Variants in SLIT1 observed in about 807,000 individuals in gnomAD.
SLIT1 encodes the protein slit guidance ligand 1, also known as slit homolog 1 protein.
SLIT1 carries 66 observed loss-of-function variants against 186.1 expected under a neutral mutation model. The ratio of observed to expected loss-of-function variants is 0.35; its 90% confidence interval spans 0.29 to 0.44. SLIT1 has a LOEUF of 0.44. SLIT1 is among the 20% of genes least tolerant of loss of function. The pLI, the probability that SLIT1 is intolerant of heterozygous loss-of-function variation, is 1.00. For synonymous variants in SLIT1, 761 were observed against 833.8 expected, an observed-to-expected ratio of 0.91 and a Z score of 1.50; for missense variants, 1,638 against 2,037.4, an observed-to-expected ratio of 0.80 and a Z score of 3.77.
chr10:97,098,749 C>T (rs1162243021), intron 4 of SLIT1, among the ~76,000 whole-genome samples: 1 of 152,156 alleles, frequency 6.6e-6, no homozygotes, highest in African/African-American at 2.4e-5. Context: ...AGGGGAAGGG[C>T]AGAGGAGAGT....
chr10:97,053,409 T>C (rs1340106152), intron 13 of SLIT1, among the ~76,000 whole-genome samples: 2 of 152,056 alleles, frequency 1.3e-5, no homozygotes, highest in South Asian at 2.1e-4. Flanking sequence ...TTGGGAGGAG[T>C]TGGGCTGCAG....
At chr10:97,025,313 GACA>G (rs1478539315) in intron 25 of SLIT1, among the ~76,000 whole-genome samples, 1 of 151,910 alleles carries the variant, frequency 6.6e-6, no homozygotes, top group African/African-American at 2.4e-5. Context: ...AACAAAAAAC[GACA>G]ACAACAAAAA....
intron 1 of SLIT1, among the ~76,000 whole-genome samples, chr10:97,171,313 C>T (rs1850185522): frequency 6.6e-6 from 1 of 152,140 alleles, no homozygotes; most frequent in African/African-American, 2.4e-5. Flanking sequence ...TTGCCCCATC[C>T]CACCTGCCAG....
intron 1 of SLIT1, among the ~76,000 whole-genome samples, chr10:97,179,739 C>T (rs900934102): frequency 2.0e-5 from 3 of 151,962 alleles, no homozygotes; most frequent in Non-Finnish European, 4.4e-5. Context: ...AGGCTGGGTT[C>T]CAGAAAGGAG....
chr10:97,074,367 C>A lies in SLIT1; in HGVS notation c.414-8281G>T, dbSNP rs58423228. Among the ~76,000 whole-genome samples the A allele has an allele frequency of 2.0e-4, 30 of 152,338 alleles. No individual in the cohort carries two copies. The East Asian group carries it at 4.8e-3, about 25-fold the overall frequency. ...GGAGAGGCAGGAGCTCAGGGCCAGACAGGCTGGCTGTGCATGGCGAGAGAC... is the reference window on the plus strand; with the variant it reads ...GGAGAGGCAGGAGCTCAGGGCCAGAAAGGCTGGCTGTGCATGGCGAGAGAC... On this transcript the variant is annotated intron_variant, in intron 4 of 36. Coordinates refer to ENST00000266058, the MANE Select transcript of SLIT1 (RefSeq NM_003061.3).
In SLIT1 at chr10:97,043,250, G is replaced by A. The variant is rs1324830176; in HGVS notation, c.1997+120C>T. 5 of 1,392,870 alleles carry A rather than the reference G, an allele frequency of 3.6e-6. 1 individual carries two copies. Among genetic ancestry groups the A allele is most frequent in the South Asian group, 2.6e-5 (2 of 77,656 alleles). The allele number at this position is 1,392,870 out of a possible 1,614,324, so 86.3% of individuals were successfully genotyped here. A position where few individuals can be genotyped will look rare whatever the true frequency, so the allele number is the denominator to read the frequency against. ...GGAGACTTCGAAATGTGGAACCCAC[G>A]TTTCAGCAAACCACGAAGACCCAGC... On this transcript the variant is annotated intron_variant, in intron 19 of 36. Coordinates refer to ENST00000266058, the MANE Select transcript of SLIT1 (RefSeq NM_003061.3). This position sits in a 1 kb window ranked among gnomAD's most constrained non-coding sequence, Gnocchi z 7.0.
In SLIT1 at chr10:97,047,022, T is replaced by C. The variant is rs755775051; in HGVS notation, c.1678A>G (p.Met560Val). ...TTCAGATGTGTAAGTTTTTTAAACATCCCAGTGGCCTCCAGGATGGAAATC... is the reference window on the plus strand; with the variant it reads ...TTCAGATGTGTAAGTTTTTTAAACACCCCAGTGGCCTCCAGGATGGAAATC... ...NEISILEATG[M>V]FKKLTHLKKI... is the part of the protein sequence containing the mutation. The change falls in exon 17 of 37, where the codon ATG becomes GTG. Residue 560 changes from methionine to valine, a missense_variant. Transcript: ENST00000266058. The C allele has an allele frequency of 6.2e-7, 1 of 1,613,048 alleles. No individual in the cohort carries two copies. The highest frequency in any genetic ancestry group is 1.7e-5 in the Admixed American group (1 of 60,024).
At chr10:97,059,356 G>A (rs182858316) in intron 11 of SLIT1, 104 bp downstream of exon 11, 16 of 904,420 alleles carry the variant, frequency 1.8e-5, no homozygotes, top group East Asian at 9.8e-5. Context: ...GTGGAGGGGG[G>A]CATAGCCCTG....
chr10:97,040,439 C>G (rs558310759), intron 20 of SLIT1, among the ~76,000 whole-genome samples: 1 of 152,322 alleles, frequency 6.6e-6, no homozygotes, highest in South Asian at 2.1e-4. Context: ...ACTCCGGGCA[C>G]TGGATCGACA....
chr10:97,119,136 A>G (rs1349459007), intron 4 of SLIT1, among the ~76,000 whole-genome samples: 2 of 152,080 alleles, frequency 1.3e-5, no homozygotes, highest in Non-Finnish European at 2.9e-5. Flanking sequence ...GCTAAAGTCA[A>G]AATTAGGAAG....
intron 13 of SLIT1, among the ~76,000 whole-genome samples, chr10:97,049,714 G>T (rs147715215): frequency 6.6e-6 from 1 of 152,212 alleles, no homozygotes; most frequent in Non-Finnish European, 1.5e-5. Context: ...CCCACCCCAG[G>T]CCACAGGAGT....
At position 97,021,269 on chromosome 10, in the gene SLIT1, G is replaced by A; in HGVS notation, c.2727C>T (p.Ala909=). ...MEGKLLLTTP[A]KKFECQGPPT... ...GCTCACCTTGGCATTCAAACTTCTT[G>A]GCAGGCGTGGTGAGGAGCAGCTTGC... The change falls in exon 26 of 37, where the codon GCC becomes GCT. Residue 909 remains alanine, a synonymous_variant. Transcript: ENST00000266058. This position sits in a 1 kb window ranked among gnomAD's most constrained non-coding sequence, Gnocchi z 4.5. The A allele has an allele frequency of 6.2e-7, 1 of 1,614,092 alleles. No homozygotes were observed. Among genetic ancestry groups the A allele is most frequent in the Non-Finnish European group, 8.5e-7 (1 of 1,179,966 alleles).
At chr10:97,134,768 C>T (rs1309594677) in intron 4 of SLIT1, among the ~76,000 whole-genome samples, 1 of 152,212 alleles carries the variant, frequency 6.6e-6, no homozygotes, top group African/African-American at 2.4e-5. Flanking sequence ...CATTCTCTTC[C>T]CCTTTGATTT....
intron 1 of SLIT1, among the ~76,000 whole-genome samples, chr10:97,173,493 C>G (rs1415039034): frequency 8.5e-6 from 1 of 118,270 alleles, no homozygotes; most frequent in Non-Finnish European, 1.8e-5. Flanking sequence ...CCAGCTCCAT[C>G]CTTTTTTTTT....
At chr10:97,035,341 C>A (rs1056063595) in intron 22 of SLIT1, among the ~76,000 whole-genome samples, 4 of 152,084 alleles carry the variant, frequency 2.6e-5, no homozygotes, top group African/African-American at 9.7e-5. Flanking sequence ...ATGGCCCCAG[C>A]CTGTCCTCTC....
intron 4 of SLIT1, among the ~76,000 whole-genome samples, chr10:97,123,712 C>T (rs1481103241): frequency 1.3e-5 from 2 of 151,662 alleles, no homozygotes; most frequent in African/African-American, 2.4e-5. Context: ...ATCACTTGAA[C>T]CTCGGAGGCG....
intron 1 of SLIT1, among the ~76,000 whole-genome samples, chr10:97,177,486 G>A (rs1850271941): frequency 1.3e-5 from 2 of 152,174 alleles, no homozygotes; most frequent in Middle Eastern, 3.2e-3. Context: ...TATGACTGTA[G>A]TAGCTTCCTA....
Position 97,004,656 on chromosome 10 carries a change from C to T in SLIT1, c.3710+37G>A. 2 of 1,613,104 alleles carry T rather than the reference C, an allele frequency of 1.2e-6. No homozygotes were observed. The highest frequency in any genetic ancestry group is 1.7e-6 in the Non-Finnish European group (2 of 1,179,394). Reference sequence around the variant, plus strand: ...GAGACCTCGCCCTGGCAGTCCCGTACCCCTGAGGGCAGCTGGGGGGCATAA... The same window carrying T: ...GAGACCTCGCCCTGGCAGTCCCGTATCCCTGAGGGCAGCTGGGGGGCATAA... On this transcript the variant is annotated intron_variant, in intron 33 of 36. Transcript: ENST00000266058. This position sits in a 1 kb window ranked among gnomAD's most constrained non-coding sequence, Gnocchi z 5.1.
At chr10:97,155,768 A>G (rs1849942579) in intron 4 of SLIT1, among the ~76,000 whole-genome samples, 1 of 152,224 alleles carries the variant, frequency 6.6e-6, no homozygotes, top group African/African-American at 2.4e-5. Context: ...TTAAGAGGAC[A>G]TAGGAGGGGG....
Sources: gnomAD v4.1 joint callset for allele counts (sites outside exome capture counted in the v4.1 genomes callset) on GRCh38, gnomAD v4.1.1 for gene constraint, Gnocchi (gnomAD v3.1) non-coding constraint, MANE v1.5 for transcripts, NCBI Gene and HGNC (gene_info 2026-07-23, HGNC 2026-07-21) for gene names.